Variants in DPP6 observed in about 807,000 individuals in gnomAD.
DPP6 encodes A-type potassium channel modulatory protein DPP6.
A neutral mutation model predicts 122.6 loss-of-function variants in DPP6; 69 were observed. That is an observed-to-expected ratio of 0.56 (90% CI 0.46 to 0.69). DPP6 has a LOEUF of 0.69. Among genes scored for constraint, DPP6 ranks in the 30% least tolerant of loss-of-function variants. DPP6 has a pLI of 0.00. For missense variants in DPP6, 928 were observed against 1,116.9 expected, an observed-to-expected ratio of 0.83 and a Z score of 2.41; for synonymous variants, 418 against 433.1, an observed-to-expected ratio of 0.97 and a Z score of 0.43.
intron 1 of DPP6, among the ~76,000 whole-genome samples, chr7:154,434,272 C>T (rs1376935612): frequency 6.6e-6 from 1 of 152,102 alleles, no homozygotes; most frequent in Non-Finnish European, 1.5e-5. Context: ...GGAAATGTAC[C>T]ATGCTGCTGT....
At chr7:154,334,635 G>A (rs1809241405) in intron 1 of DPP6, among the ~76,000 whole-genome samples, 2 of 152,166 alleles carry the variant, frequency 1.3e-5, no homozygotes, top group East Asian at 1.9e-4. Context: ...AGTGGCTCAC[G>A]CCTGTAATCC....
intron 5 of DPP6, among the ~76,000 whole-genome samples, chr7:154,593,131 G>A (rs765460019): frequency 6.6e-5 from 10 of 152,136 alleles, no homozygotes; most frequent in Non-Finnish European, 1.3e-4. Context: ...TGCCCTGTGA[G>A]GGCACCTAAC....
intron 10 of DPP6, among the ~76,000 whole-genome samples, chr7:154,783,391 G>A (rs1797145056): frequency 6.6e-6 from 1 of 152,162 alleles, no homozygotes; most frequent in Non-Finnish European, 1.5e-5. Context: ...TCATGGTGGT[G>A]CCAATGATGT....
At chr7:153,914,372 T>A (rs187920530) in intron 1 of DPP6, among the ~76,000 whole-genome samples, 3 of 152,176 alleles carry the variant, frequency 2.0e-5, no homozygotes, top group Non-Finnish European at 2.9e-5. Context: ...CTAATACATA[T>A]GGCTAAGTCA....
the DPP6 span, among the ~76,000 whole-genome samples, chr7:153,863,206 G>A: frequency 6.6e-6 from 1 of 152,030 alleles, no homozygotes; most frequent in Admixed American, 6.5e-5. Flanking sequence ...TAAAAACCTT[G>A]TAAGCACTGA....
chr7:154,763,717 C>T (rs768177931), intron 8 of DPP6, among the ~76,000 whole-genome samples: 49 of 152,198 alleles, frequency 3.2e-4, no homozygotes, highest in Non-Finnish European at 6.5e-4. Context: ...GCAGCAAGTT[C>T]AATTTCCCCA....
chr7:154,190,679 T>A (rs774001170), intron 1 of DPP6, among the ~76,000 whole-genome samples: 21 of 152,122 alleles, frequency 1.4e-4, no homozygotes, highest in Admixed American at 9.8e-4. Flanking sequence ...GATGGATGGG[T>A]CTTTCTGAGC....
intron 1 of DPP6, among the ~76,000 whole-genome samples, chr7:153,937,250 T>C (rs2129015535): frequency 6.6e-6 from 1 of 151,942 alleles, no homozygotes; most frequent in South Asian, 2.1e-4. Flanking sequence ...AGTGAGGAGG[T>C]GGGGCTGTAA....
chr7:153,982,095 G>GC (rs1796617659), intron 1 of DPP6, among the ~76,000 whole-genome samples: 1 of 152,108 alleles, frequency 6.6e-6, no homozygotes, highest in Admixed American at 6.5e-5. Flanking sequence ...GGCCTGCCTT[G>GC]CTAGGTTGGG....
intron 4 of DPP6, among the ~76,000 whole-genome samples, chr7:154,549,348 A>G (rs1484006359): frequency 6.6e-6 from 1 of 152,226 alleles, no homozygotes; most frequent in African/African-American, 2.4e-5. Context: ...ATCACTGACA[A>G]CAGATTGCAA....
chr7:154,033,177 G>A (rs557105131), intron 1 of DPP6, among the ~76,000 whole-genome samples: 1 of 152,270 alleles, frequency 6.6e-6, no homozygotes, highest in African/African-American at 2.4e-5. Context: ...CCAGAGGTTC[G>A]GCCACCAGGG....
intron 5 of DPP6, among the ~76,000 whole-genome samples, chr7:154,593,062 A>C (rs73727308): frequency 0.021 from 3,261 of 152,288 alleles, 118 homozygotes; most frequent in African/African-American, 0.075. Flanking sequence ...GAAGGAACAC[A>C]GGCCATCAGC....
intron 10 of DPP6, among the ~76,000 whole-genome samples, chr7:154,773,730 A>G (rs1382298108): frequency 1.3e-5 from 2 of 152,174 alleles, no homozygotes; most frequent in Non-Finnish European, 2.9e-5. Flanking sequence ...CAAAGACCCA[A>G]CCCATATTTT....
At chr7:154,772,536 C>T (rs1272224375) in intron 9 of DPP6, among the ~76,000 whole-genome samples, 3 of 152,178 alleles carry the variant, frequency 2.0e-5, no homozygotes, top group Non-Finnish European at 2.9e-5. Flanking sequence ...TTTTCTCCCC[C>T]ACTCCTCTTC....
At chr7:153,827,348 C>T in the DPP6 span, among the ~76,000 whole-genome samples, 32 of 152,238 alleles carry the variant, frequency 2.1e-4, no homozygotes, top group African/African-American at 6.0e-4. Flanking sequence ...TCTGGGTAGA[C>T]GGAGTAGACA....
chr7:154,880,331 C>T (rs934559047), intron 20 of DPP6, among the ~76,000 whole-genome samples: 4 of 152,184 alleles, frequency 2.6e-5, no homozygotes, highest in Non-Finnish European at 5.9e-5. Flanking sequence ...AAGGCTGGGC[C>T]GTAGCAGGAA....
At chr7:154,420,474 A>G (rs927817190) in intron 1 of DPP6, among the ~76,000 whole-genome samples, 3 of 152,164 alleles carry the variant, frequency 2.0e-5, no homozygotes, top group African/African-American at 7.2e-5. Flanking sequence ...ATGGAAGGAG[A>G]GAATAGAATT....
chr7:153,872,333 C>T, the DPP6 span, among the ~76,000 whole-genome samples: 1 of 152,132 alleles, frequency 6.6e-6, no homozygotes, highest in Non-Finnish European at 1.5e-5. Context: ...AGGTGCTCTG[C>T]TCTAATTAAT....
the DPP6 span, among the ~76,000 whole-genome samples, chr7:153,823,637 C>A: frequency 0.88 from 127,706 of 145,722 alleles, 56,418 homozygotes; most frequent in African/African-American, 0.95. Context: ...GGATATACTC[C>A]CCGGGGATCA....
Sources: allele counts gnomAD v4.1 joint callset (sites outside exome capture counted in the v4.1 genomes callset), GRCh38; gene constraint gnomAD v4.1.1; transcripts MANE v1.5; gene names NCBI Gene and HGNC (gene_info 2026-07-23, HGNC 2026-07-21).